Variants in XRCC4 observed in about 807,000 individuals in gnomAD.
XRCC4 encodes the protein X-ray repair cross complementing 4, also known as DNA repair protein XRCC4.
Under a neutral mutation model 39.1 loss-of-function variants are expected in XRCC4, and 28 were observed. The ratio of observed to expected loss-of-function variants is 0.72; its 90% confidence interval spans 0.53 to 0.98. XRCC4 has a LOEUF of 0.98. Among genes scored for constraint, XRCC4 ranks in the 50% least tolerant of loss-of-function variants. XRCC4 has a pLI of 0.00. For missense variants in XRCC4, 350 were observed against 376.4 expected (o/e 0.93, Z 0.58); for synonymous variants, 123 against 126.4 (o/e 0.97, Z 0.18).
intron 7 of XRCC4, among the ~76,000 whole-genome samples, chr5:83,348,853 G>A (rs577504550): frequency 6.6e-6 from 1 of 152,308 alleles, no homozygotes; most frequent in Non-Finnish European, 1.5e-5. Flanking sequence ...ACAGATGAGA[G>A]TAGGCTTTTA....
At chr5:83,095,883 A>G (rs537379288) in intron 1 of XRCC4, among the ~76,000 whole-genome samples, 32 of 152,240 alleles carry the variant, frequency 2.1e-4, no homozygotes, top group African/African-American at 6.3e-4. Flanking sequence ...TTCCCTGTCC[A>G]GGCAAGATAG....
Position 83,195,716 on chromosome 5 carries a change from G to C in XRCC4, c.316-54G>C, listed in dbSNP as rs1750906536. Reference sequence around the variant, plus strand: ...AGAAATTGTGTATGCTTAAAACCAGGCTTCTCAATCTTGATATTTTCCCCA... The same window carrying C: ...AGAAATTGTGTATGCTTAAAACCAGCCTTCTCAATCTTGATATTTTCCCCA... On this transcript the variant is annotated intron_variant, in intron 3 of 7. Coordinates refer to ENST00000396027, the MANE Select transcript of XRCC4 (RefSeq NM_003401.5). The C allele has an allele frequency of 2.1e-6, 3 of 1,457,294 alleles. No individual in the cohort carries two copies. In the Admixed American group the frequency reaches 6.7e-5, roughly 33 times the overall value. The allele number at this position is 1,457,294 out of a possible 1,614,324, so 90.3% of individuals were successfully genotyped here. A position where few individuals can be genotyped will look rare whatever the true frequency, so the allele number is the denominator to read the frequency against.
intron 7 of XRCC4, among the ~76,000 whole-genome samples, chr5:83,329,942 T>C (rs1200688605): frequency 1.3e-5 from 2 of 152,116 alleles, no homozygotes; most frequent in Non-Finnish European, 2.9e-5. Context: ...AATGTATCGA[T>C]GTTAATTTTC....
At chr5:83,313,660 G>A (rs1054950763) in intron 7 of XRCC4, among the ~76,000 whole-genome samples, 1 of 152,094 alleles carries the variant, frequency 6.6e-6, no homozygotes, top group African/African-American at 2.4e-5. Context: ...TAACACATCA[G>A]CTGTAATCCT....
chr5:83,358,927 A>G, the XRCC4 span, among the ~76,000 whole-genome samples: 1 of 152,198 alleles, frequency 6.6e-6, no homozygotes, highest in Non-Finnish European at 1.5e-5. Flanking sequence ...CCTTATCAAG[A>G]TGGCCACCCT....
chr5:83,120,648 T>G (rs1746967118), intron 3 of XRCC4, among the ~76,000 whole-genome samples: 1 of 152,236 alleles, frequency 6.6e-6, no homozygotes, highest in Non-Finnish European at 1.5e-5. Context: ...CTGAGTAGTA[T>G]TCCATTGTAT....
At chr5:83,129,777 T>A (rs1378963744) in intron 3 of XRCC4, among the ~76,000 whole-genome samples, 3 of 151,160 alleles carry the variant, frequency 2.0e-5, no homozygotes, top group Non-Finnish European at 4.5e-5. Context: ...CTCTCTGTTA[T>A]TGGAGTATAG....
intron 7 of XRCC4, among the ~76,000 whole-genome samples, chr5:83,313,449 A>T (rs1398049185): frequency 6.6e-6 from 1 of 151,942 alleles, no homozygotes; most frequent in African/African-American, 2.4e-5. Context: ...CTGCTGTAGG[A>T]TATTTATTGG....
At chr5:83,330,672 TTAATA>T (rs1756409919) in intron 7 of XRCC4, among the ~76,000 whole-genome samples, 1 of 152,004 alleles carries the variant, frequency 6.6e-6, no homozygotes, top group South Asian at 2.1e-4. Context: ...TTGCAGGAGT[TTAATA>T]TACTATTATG....
At chr5:83,224,121 A>G (rs2136161) in intron 6 of XRCC4, among the ~76,000 whole-genome samples, 1 of 151,930 alleles carries the variant, frequency 6.6e-6, no homozygotes. Context: ...GTCTATTTAC[A>G]TTGTAGATTA....
At chr5:83,081,853 T>C (rs181471919) in intron 1 of XRCC4, among the ~76,000 whole-genome samples, 45 of 152,290 alleles carry the variant, frequency 3.0e-4, no homozygotes, top group Middle Eastern at 3.4e-3. Flanking sequence ...TGCATCTTCA[T>C]TGGTATATTT....
intron 3 of XRCC4, among the ~76,000 whole-genome samples, chr5:83,137,398 T>G (rs1486303656): frequency 6.6e-6 from 1 of 152,206 alleles, no homozygotes; most frequent in Non-Finnish European, 1.5e-5. Context: ...ACTACTGAAT[T>G]TAGCAAGTTT....
At chr5:83,148,536 A>C (rs1748562532) in intron 3 of XRCC4, among the ~76,000 whole-genome samples, 1 of 152,162 alleles carries the variant, frequency 6.6e-6, no homozygotes, top group Non-Finnish European at 1.5e-5. Context: ...TCCATTGCTC[A>C]CTAGAATACA....
At chr5:83,087,963 T>G (rs1745257089) in intron 1 of XRCC4, among the ~76,000 whole-genome samples, 1 of 152,192 alleles carries the variant, frequency 6.6e-6, no homozygotes, top group Admixed American at 6.5e-5. Context: ...AATATACATT[T>G]CAATTGTTAA....
At chr5:83,165,574 C>G (rs1749426466) in intron 3 of XRCC4, among the ~76,000 whole-genome samples, 1 of 152,048 alleles carries the variant, frequency 6.6e-6, no homozygotes, top group Non-Finnish European at 1.5e-5. Context: ...TATTTCACCA[C>G]CCATGTATTA....
chr5:83,178,588 G>A (rs1452306117), intron 3 of XRCC4, among the ~76,000 whole-genome samples: 2 of 152,138 alleles, frequency 1.3e-5, no homozygotes, highest in Non-Finnish European at 2.9e-5. Context: ...GAAAACAAAG[G>A]GCACTGATGG....
intron 3 of XRCC4, among the ~76,000 whole-genome samples, chr5:83,165,380 A>C (rs150970571): frequency 7.9e-4 from 121 of 152,288 alleles, no homozygotes; most frequent in African/African-American, 2.7e-3. Flanking sequence ...GGAACTAGAG[A>C]ATTTTATATC....
At position 83,194,024 on chromosome 5, in the gene XRCC4, C is replaced by T. The variant is rs574578870; in HGVS notation, c.316-1746C>T. ...TCTAGGCTCACTGCAACCTGTGTCT[C>T]GCGGTTCAAGCGATCCTTGTGCCTC... On this transcript the variant is annotated intron_variant, in intron 3 of 7. Transcript: ENST00000396027. Among the ~76,000 whole-genome samples the T allele has an allele frequency of 9.6e-4, 146 of 152,258 alleles. No homozygotes were observed. The Middle Eastern group carries it at 0.01, about 11-fold the overall frequency.
At chr5:83,110,829 C>G (rs1746406289) in intron 2 of XRCC4, among the ~76,000 whole-genome samples, 199 bp from the exon 3 acceptor site, 1 of 151,908 alleles carries the variant, frequency 6.6e-6, no homozygotes, top group South Asian at 2.1e-4. Context: ...AGATGTGAGT[C>G]TAAATTAATG....
Sources: allele counts gnomAD v4.1 joint callset (sites outside exome capture counted in the v4.1 genomes callset), GRCh38; gene constraint gnomAD v4.1.1; transcripts MANE v1.5; gene names NCBI Gene and HGNC (gene_info 2026-07-23, HGNC 2026-07-21).